CDH23: variants seen among roughly 807,000 people sequenced by gnomAD.
The protein encoded by CDH23 is cadherin-23.
A neutral mutation model predicts 317.1 loss-of-function variants in CDH23; 189 were observed. That is an observed-to-expected ratio of 0.60 (90% confidence interval 0.53 to 0.67). The LOEUF is 0.67. Among genes scored for constraint, CDH23 ranks in the 30% least tolerant of loss-of-function variants. The pLI, the probability that CDH23 is intolerant of heterozygous loss-of-function variation, is 0.00. For synonymous variants in CDH23, 1,839 were observed against 1,876.8 expected (o/e 0.98, Z 0.52); for missense variants, 4,401 against 4,592.4 (o/e 0.96, Z 1.20).
intron 61 of CDH23, 33 bp from the exon 62 acceptor site, chr10:71,810,438 GT>G: frequency 6.2e-7 from 1 of 1,604,018 alleles, no homozygotes; most frequent in Non-Finnish European, 8.5e-7. Context: ...CCCTGCTGTG[GT>G]GGCCACACCC....
intron 6 of CDH23, among the ~76,000 whole-genome samples, chr10:71,554,337 A>G (rs1179102123): frequency 6.7e-6 from 1 of 149,840 alleles, no homozygotes; most frequent in East Asian, 2.0e-4. Context: ...AGCTGGAACC[A>G]CAGGTGCACA....
intron 14 of CDH23, among the ~76,000 whole-genome samples, chr10:71,661,826 C>G: frequency 1.4e-5 from 1 of 71,818 alleles, no homozygotes; most frequent in African/African-American, 5.7e-5. Context: ...CCCCTCCCAC[C>G]CTGCGCCCCC....
chr10:71,648,063 C>T lies in CDH23; in HGVS notation c.1449+1446C>T, dbSNP rs190960403. Among the ~76,000 whole-genome samples, 1,366 of 152,292 alleles carry T rather than the reference C, an allele frequency of 9.0e-3. 10 individuals are homozygous for T. The highest frequency in any genetic ancestry group is 0.014 in the Non-Finnish European group (920 of 68,030). ...TGAAACTGCACTGAGCCCCCAGGCCCTTCCCCTCTGACAGTTATTAATATT... is the reference window on the plus strand; with the variant it reads ...TGAAACTGCACTGAGCCCCCAGGCCTTTCCCCTCTGACAGTTATTAATATT... On this transcript the variant is annotated intron_variant, in intron 14 of 69. Transcript: ENST00000224721.
intron 6 of CDH23, among the ~76,000 whole-genome samples, chr10:71,515,102 G>A (rs1854213663): frequency 6.6e-6 from 1 of 152,192 alleles, no homozygotes; most frequent in Non-Finnish European, 1.5e-5. Context: ...GAGGATGGGT[G>A]TGAGGTTAGA....
chr10:71,617,330 C>T lies in CDH23; in HGVS notation c.1071C>T (p.Ile357=), dbSNP rs776557559. ...ACAGCTCCGAGTACAGCGTGGCCATCACTGAGCTGGCACAGGTCGGCTTTG... is the reference window on the plus strand; with the variant it reads ...ACAGCTCCGAGTACAGCGTGGCCATTACTGAGCTGGCACAGGTCGGCTTTG... ...EFNSSEYSVA[I]TELAQVGFAL... The change falls in exon 11 of 70, where the codon ATC becomes ATT. Residue 357 remains isoleucine, a synonymous_variant. Coordinates refer to ENST00000224721, the MANE Select transcript of CDH23 (RefSeq NM_022124.6). 1 of 1,613,994 alleles carries T rather than the reference C, an allele frequency of 6.2e-7. No homozygotes were observed. Among genetic ancestry groups the T allele is most frequent in the South Asian group, 1.1e-5 (1 of 91,078 alleles).
chr10:71,718,575 G>A (rs1054820192), intron 28 of CDH23, among the ~76,000 whole-genome samples: 5 of 152,242 alleles, frequency 3.3e-5, no homozygotes, highest in East Asian at 1.9e-4. Flanking sequence ...GCTCATTCCC[G>A]TGGGGAGAAA....
intron 68 of CDH23, 149 bp from the exon 69 acceptor site, chr10:71,813,095 G>A (rs1435133785): frequency 1.1e-5 from 12 of 1,095,942 alleles, no homozygotes; most frequent in Non-Finnish European, 1.6e-5. Context: ...GTCCAGGCTG[G>A]CCACTGTCTC....
At chr10:71,415,853 A>G (rs1054442736) in intron 1 of CDH23, among the ~76,000 whole-genome samples, 3 of 152,330 alleles carry the variant, frequency 2.0e-5, no homozygotes. Context: ...TGATCAAAGA[A>G]TATACTTTTA....
intron 49 of CDH23, 96 bp from the exon 50 acceptor site, chr10:71,798,258 C>T: frequency 6.8e-6 from 6 of 877,642 alleles, no homozygotes; most frequent in Non-Finnish European, 1.1e-5. Context: ...CTGTGGGATG[C>T]TGCCATGCTC....
intron 1 of CDH23, among the ~76,000 whole-genome samples, chr10:71,421,069 C>T (rs1848791026): frequency 6.6e-6 from 1 of 152,226 alleles, no homozygotes; most frequent in South Asian, 2.1e-4. Flanking sequence ...TCTCTCCAGA[C>T]TTCAGAGGTC....
At chr10:71,507,677 G>A (rs946923363) in intron 3 of CDH23, among the ~76,000 whole-genome samples, 1 of 152,220 alleles carries the variant, frequency 6.6e-6, no homozygotes, top group African/African-American at 2.4e-5. Flanking sequence ...CTGGGTGACA[G>A]AGCGAGACCC....
At chr10:71,430,600 G>A (rs1849325790) in intron 1 of CDH23, among the ~76,000 whole-genome samples, 1 of 152,148 alleles carries the variant, frequency 6.6e-6, no homozygotes. Flanking sequence ...TTTGAGGTTA[G>A]GAGTTCGAGA....
chr10:71,785,361 C>T (rs756829277), intron 43 of CDH23, among the ~76,000 whole-genome samples: 7 of 152,216 alleles, frequency 4.6e-5, no homozygotes, highest in Non-Finnish European at 7.3e-5. Flanking sequence ...TTAATCAAGA[C>T]GCACCAAAGT....
intron 17 of CDH23, among the ~76,000 whole-genome samples, chr10:71,680,115 C>T (rs1433342495): frequency 6.6e-6 from 1 of 152,254 alleles, no homozygotes; most frequent in African/African-American, 2.4e-5. Flanking sequence ...CTCAGCAGCC[C>T]TTGCCCCACC....
At chr10:71,590,878 A>C (rs1211630676) in intron 9 of CDH23, among the ~76,000 whole-genome samples, 2 of 128,552 alleles carry the variant, frequency 1.6e-5, no homozygotes, top group Non-Finnish European at 3.2e-5. Context: ...GTCTCTAAAA[A>C]AAAAAAAACA....
At chr10:71,720,273 G>A (rs1418039193) in intron 28 of CDH23, among the ~76,000 whole-genome samples, 9 of 152,184 alleles carry the variant, frequency 5.9e-5, no homozygotes, top group African/African-American at 1.7e-4. Flanking sequence ...CTTTGAAGGT[G>A]TCTGGCTACA....
chr10:71,761,038 G>T, intron 38 of CDH23: 2 of 1,028,226 alleles, frequency 1.9e-6, no homozygotes, highest in Non-Finnish European at 3.0e-6. Context: ...GTGCCTACTC[G>T]GCAGTGTTGG....
intron 6 of CDH23, among the ~76,000 whole-genome samples, chr10:71,525,203 G>A (rs777892792): frequency 2.0e-4 from 30 of 152,312 alleles, no homozygotes; most frequent in East Asian, 9.7e-4. Context: ...CACTGTGCCC[G>A]GCCGACACCT....
intron 3 of CDH23, among the ~76,000 whole-genome samples, chr10:71,506,997 G>A (rs761231326): frequency 6.6e-6 from 1 of 152,206 alleles, no homozygotes; most frequent in African/African-American, 2.4e-5. Flanking sequence ...GAGGACCTGA[G>A]CGTCAAGCCT....
Sources: allele counts gnomAD v4.1 joint callset (sites outside exome capture counted in the v4.1 genomes callset), GRCh38; gene constraint gnomAD v4.1.1; transcripts MANE v1.5; gene names NCBI Gene and HGNC (gene_info 2026-07-23, HGNC 2026-07-21).